Variants in LIMS4 observed in about 807,000 individuals in gnomAD.
LIMS4 encodes LIM and senescent cell antigen-like-containing domain protein 4.
chr2:110,390,673 T>A, the LIMS4 span, among the ~76,000 whole-genome samples: 11 of 149,324 alleles, frequency 7.4e-5, no homozygotes, highest in Non-Finnish European at 1.5e-4. Context: ...ATCTCCACAG[T>A]CCGAGCTGGT....
the LIMS4 span, among the ~76,000 whole-genome samples, chr2:110,392,205 T>C: frequency 6.6e-6 from 1 of 151,710 alleles, no homozygotes; most frequent in South Asian, 2.1e-4. Context: ...TCTCTAAGGA[T>C]GGGAGGGAAA....
chr2:110,425,419 T>C, the LIMS4 span, among the ~76,000 whole-genome samples: 5 of 139,578 alleles, frequency 3.6e-5, no homozygotes, highest in Non-Finnish European at 7.5e-5. Flanking sequence ...TAGGTGCTGA[T>C]TTCTGGCAAG....
the LIMS4 span, among the ~76,000 whole-genome samples, chr2:110,425,336 C>T: frequency 7.1e-6 from 1 of 141,790 alleles, no homozygotes; most frequent in African/African-American, 3.0e-5. Context: ...GTGGTGATTG[C>T]ACCACTGTAA....
At chr2:110,407,678 T>G in the LIMS4 span, among the ~76,000 whole-genome samples, 3 of 131,292 alleles carry the variant, frequency 2.3e-5, no homozygotes, top group East Asian at 4.2e-4. Flanking sequence ...CAGGCCTTGG[T>G]GGGAGGATCA....
chr2:110,425,765 C>A, the LIMS4 span, among the ~76,000 whole-genome samples: 1 of 140,282 alleles, frequency 7.1e-6, no homozygotes, highest in Non-Finnish European at 1.5e-5. Context: ...AAAGTGAATT[C>A]TTCCCCAGGG....
At chr2:110,371,739 T>TCAGTTCTGGC in the LIMS4 span, among the ~76,000 whole-genome samples, 1 of 142,512 alleles carries the variant, frequency 7.0e-6, no homozygotes. Context: ...CCTGAGTGAG[T>TCAGTTCTGGC]CAGTTCTGGC....
chr2:110,368,023 G>A, the LIMS4 span, among the ~76,000 whole-genome samples: 10 of 143,272 alleles, frequency 7.0e-5, no homozygotes, highest in African/African-American at 1.4e-4. Flanking sequence ...AAAGAACTAC[G>A]TAACATATAT....
chr2:110,395,972 G>A, the LIMS4 span, among the ~76,000 whole-genome samples: 4 of 141,266 alleles, frequency 2.8e-5, 1 homozygote, highest in African/African-American at 1.2e-4. Flanking sequence ...AGACCACAGG[G>A]TGGGGCAGCC....
the LIMS4 span, among the ~76,000 whole-genome samples, chr2:110,382,001 A>G: frequency 1.3e-5 from 1 of 75,128 alleles, no homozygotes; most frequent in African/African-American, 6.9e-5. Context: ...CGTGACGCAG[A>G]GATTGCAGTG....
the LIMS4 span, chr2:110,386,469 G>C: frequency 2.3e-6 from 1 of 434,728 alleles, no homozygotes; most frequent in Non-Finnish European, 3.8e-6. Flanking sequence ...TGGGGTCCTT[G>C]GGGAGTCTCT....
At chr2:110,391,126 G>A in the LIMS4 span, among the ~76,000 whole-genome samples, 8 of 150,552 alleles carry the variant, frequency 5.3e-5, no homozygotes, top group Middle Eastern at 3.4e-3. Context: ...GGACAGCGTG[G>A]CTGGAGGGAG....
At chr2:110,456,478 C>A (rs1187894553) in intron 3 of LIMS4, among the ~76,000 whole-genome samples, 1 of 152,086 alleles carries the variant, frequency 6.6e-6, no homozygotes, top group Non-Finnish European at 1.5e-5. Context: ...CAAACACCAC[C>A]CGATAGGAGT....
At chr2:110,391,482 G>A in the LIMS4 span, among the ~76,000 whole-genome samples, 10 of 81,952 alleles carry the variant, frequency 1.2e-4, no homozygotes, top group Non-Finnish European at 1.7e-4. Flanking sequence ...GCTCCTAACA[G>A]AGCAGCTGCT....
At chr2:110,372,765 C>CAAAGTGCTGGGA in the LIMS4 span, among the ~76,000 whole-genome samples, 2 of 148,864 alleles carry the variant, frequency 1.3e-5, no homozygotes, top group South Asian at 4.2e-4. Flanking sequence ...TTCTGCCTCT[C>CAAAGTGCTGGGA]AAAGTGCTGG....
the LIMS4 span, among the ~76,000 whole-genome samples, chr2:110,366,708 AAAG>A: frequency 6.6e-6 from 1 of 152,178 alleles, no homozygotes; most frequent in South Asian, 2.1e-4. Context: ...CAGGCAAGAG[AAAG>A]AAGTAAAGGC....
the LIMS4 span, among the ~76,000 whole-genome samples, chr2:110,367,618 A>G: frequency 2.1e-5 from 3 of 144,018 alleles, no homozygotes; most frequent in Admixed American, 1.3e-4. Flanking sequence ...TCGAACTATA[A>G]AAACTCCCAG....
the LIMS4 span, among the ~76,000 whole-genome samples, chr2:110,373,744 G>A: frequency 3.1e-4 from 47 of 149,752 alleles, 1 homozygote; most frequent in Admixed American, 2.4e-3. Flanking sequence ...ATCTCTGCCC[G>A]CCCTGGTTCA....
intron 8 of LIMS4, among the ~76,000 whole-genome samples, chr2:110,448,854 CT>C (rs1450201862): frequency 2.2e-4 from 25 of 112,944 alleles, no homozygotes; most frequent in African/African-American, 9.2e-4. Context: ...TTCCCCCATC[CT>C]TAAGTATCCT....
the LIMS4 span, chr2:110,360,466 T>C: frequency 3.3e-6 from 1 of 301,624 alleles, no homozygotes; most frequent in Non-Finnish European, 5.7e-6. Flanking sequence ...TATGACAAGA[T>C]GAAGAAGGAA....
Sources: allele counts gnomAD v4.1 joint callset (sites outside exome capture counted in the v4.1 genomes callset), GRCh38; gene constraint gnomAD v4.1.1; transcripts MANE v1.5; gene names NCBI Gene and HGNC (gene_info 2026-07-23, HGNC 2026-07-21).